Variants in ARHGAP31 observed in about 807,000 individuals in gnomAD.
ARHGAP31 encodes rho GTPase-activating protein 31.
ARHGAP31 carries 34 observed loss-of-function variants against 113.9 expected under a neutral mutation model. That is an observed-to-expected ratio of 0.30 (90% CI 0.23 to 0.40). ARHGAP31 has a LOEUF of 0.40. ARHGAP31 is among the 10% of genes least tolerant of loss of function. The pLI is 1.00. For missense variants in ARHGAP31, 1,548 were observed against 1,767.1 expected, an observed-to-expected ratio of 0.88 and a Z score of 2.22; for synonymous variants, 650 against 684.8, an observed-to-expected ratio of 0.95 and a Z score of 0.79.
chr3:119,360,105 A>G (rs540143411), intron 1 of ARHGAP31, among the ~76,000 whole-genome samples: 1 of 151,908 alleles, frequency 6.6e-6, no homozygotes, highest in South Asian at 2.1e-4. Flanking sequence ...TTCTCTTCCT[A>G]CAAGTTAGTT....
intron 1 of ARHGAP31, among the ~76,000 whole-genome samples, chr3:119,316,330 G>C (rs1411611758): frequency 6.6e-6 from 1 of 152,206 alleles, no homozygotes; most frequent in African/African-American, 2.4e-5. Flanking sequence ...GTGCAGTACT[G>C]AGGGATACAG....
intron 1 of ARHGAP31, among the ~76,000 whole-genome samples, chr3:119,304,441 G>A (rs1559960576): frequency 6.6e-6 from 1 of 152,252 alleles, no homozygotes; most frequent in East Asian, 1.9e-4. Context: ...ATGGGAGGAT[G>A]GGGTGGTTGG....
chr3:119,364,016 C>T (rs978124803), intron 1 of ARHGAP31, among the ~76,000 whole-genome samples: 4 of 152,136 alleles, frequency 2.6e-5, no homozygotes, highest in Non-Finnish European at 5.9e-5. Flanking sequence ...TGATCTGCTG[C>T]TCTCTCTGTA....
At position 119,414,705 on chromosome 3, in the gene ARHGAP31, GC is replaced by G; in HGVS notation, c.2777del (p.Ala926GlyfsTer30). 1 of 1,614,146 alleles carries G rather than the reference GC, an allele frequency of 6.2e-7. No homozygotes were observed. Among genetic ancestry groups the G allele is most frequent in the Non-Finnish European group, 8.5e-7 (1 of 1,180,028 alleles). On this transcript the variant is annotated frameshift_variant, in exon 12 of 12. Transcript: ENST00000264245. LOFTEE classifies it high-confidence loss of function. The stretch of plus-strand genomic sequence containing the variant: ...CCTTCACTCTCCCACCCTGAAAGAC[GC>G]GCACAAGGCCCAGGTACAGGGCCTT... ...SPLHSPTLKD[A>X]HKAQVQGLQG...
chr3:119,321,864 G>A (rs1325138986), intron 1 of ARHGAP31, among the ~76,000 whole-genome samples: 3 of 152,116 alleles, frequency 2.0e-5, no homozygotes, highest in African/African-American at 7.2e-5. Context: ...TGTTGGCCAG[G>A]CTGGTCTTGA....
chr3:119,390,649 A>G, intron 6 of ARHGAP31, 136 bp from the exon 7 acceptor site: 1 of 970,840 alleles, frequency 1.0e-6, no homozygotes. Flanking sequence ...CCCAGGCCCC[A>G]CCATGCCCAA....
intron 1 of ARHGAP31, among the ~76,000 whole-genome samples, chr3:119,299,783 A>G (rs2079564285): frequency 6.6e-6 from 1 of 152,264 alleles, no homozygotes; most frequent in Admixed American, 6.5e-5. Flanking sequence ...GAAAATTCGC[A>G]AGTTTTGATC....
chr3:119,335,682 G>T (rs1379579902), intron 1 of ARHGAP31, among the ~76,000 whole-genome samples: 1 of 152,204 alleles, frequency 6.6e-6, no homozygotes, highest in Non-Finnish European at 1.5e-5. Flanking sequence ...AGGGGCATTG[G>T]TCTGTGGCTG....
chr3:119,392,153 A>G (rs1358584947), intron 7 of ARHGAP31, among the ~76,000 whole-genome samples: 1 of 152,218 alleles, frequency 6.6e-6, no homozygotes, highest in East Asian at 1.9e-4. Context: ...GATGGATCAT[A>G]AAAACATCCT....
intron 10 of ARHGAP31, among the ~76,000 whole-genome samples, chr3:119,408,077 T>C (rs527628447): frequency 2.2e-4 from 33 of 151,926 alleles, no homozygotes; most frequent in African/African-American, 6.8e-4. Context: ...AGAGATAATA[T>C]TACATATTAT....
At chr3:119,323,487 T>G (rs2079812200) in intron 1 of ARHGAP31, among the ~76,000 whole-genome samples, 1 of 152,178 alleles carries the variant, frequency 6.6e-6, no homozygotes, top group Non-Finnish European at 1.5e-5. Context: ...TTTTTTCTTT[T>G]GTTTCTTTTC....
At chr3:119,308,530 G>A (rs2079650578) in intron 1 of ARHGAP31, among the ~76,000 whole-genome samples, 2 of 152,282 alleles carry the variant, frequency 1.3e-5, no homozygotes, top group African/African-American at 4.8e-5. Flanking sequence ...TTTGTCCAAA[G>A]TCATGTCTTT....
chr3:119,413,438 A>G (rs1476355002), intron 11 of ARHGAP31, among the ~76,000 whole-genome samples: 1 of 152,204 alleles, frequency 6.6e-6, no homozygotes, highest in Non-Finnish European at 1.5e-5. Flanking sequence ...GTGCCTTCTA[A>G]TGAACCTGAA....
intron 8 of ARHGAP31, among the ~76,000 whole-genome samples, chr3:119,396,913 T>G (rs1321128205): frequency 6.6e-6 from 1 of 152,144 alleles, no homozygotes; most frequent in Non-Finnish European, 1.5e-5. Flanking sequence ...TTGATTCCAT[T>G]TAAGTTTTTT....
chr3:119,322,398 C>T (rs771087003), intron 1 of ARHGAP31, among the ~76,000 whole-genome samples: 4 of 152,184 alleles, frequency 2.6e-5, no homozygotes, highest in East Asian at 1.9e-4. Context: ...TTTTTAGAGC[C>T]GGGATTTTGT....
chr3:119,343,791 A>C (rs1194473519), intron 1 of ARHGAP31, among the ~76,000 whole-genome samples: 1 of 152,200 alleles, frequency 6.6e-6, no homozygotes, highest in Non-Finnish European at 1.5e-5. Context: ...TTATCTCTGT[A>C]GGACGAGGAG....
At position 119,415,700 on chromosome 3, in the gene ARHGAP31, C is replaced by T. The variant is rs1348811272; in HGVS notation, c.3771C>T (p.Ser1257=). 5 of 1,613,940 alleles carry T rather than the reference C, an allele frequency of 3.1e-6. No homozygotes were observed. The East Asian group carries it at 8.9e-5, about 29-fold the overall frequency. The change falls in exon 12 of 12, where the codon AGC becomes AGT. Residue 1257 remains serine (S), a synonymous_variant. Transcript: ENST00000264245. ...ATGATTCTCCCTCCTCCCTGGAAAG[C>T]TCAAAGGAAGAAAAACCAAAGCAAG... The part of the protein sequence containing the change: ...AKDDSPSSLE[S]SKEEKPKQDP...
chr3:119,415,916 A>G lies in ARHGAP31; in HGVS notation c.3987A>G (p.Pro1329=). ...TTCTTTCTTCAAAACTAGAGCGACC[A>G]TCTGGGGGTTCTAAGCCTTTCCACA... is the stretch of plus-strand genomic sequence containing the variant. ...DNLLSSKLER[P]SGGSKPFHRS... is the part of the protein sequence containing the mutation. Residue 1329 remains proline (P), a synonymous_variant, in exon 12 of 12, where the codon CCA becomes CCG. Transcript: ENST00000264245. The G allele has an allele frequency of 1.9e-6, 3 of 1,614,214 alleles. No individual in the cohort carries two copies. Among genetic ancestry groups the G allele is most frequent in the Non-Finnish European group, 2.5e-6 (3 of 1,180,048 alleles).
At chr3:119,325,073 G>T (rs762371009) in intron 1 of ARHGAP31, 15 of 398,954 alleles carry the variant, frequency 3.8e-5, no homozygotes, top group East Asian at 1.5e-4. Flanking sequence ...AGTGTGTTTG[G>T]TGCTAATTAA....
Sources: gnomAD v4.1 joint callset for allele counts (sites outside exome capture counted in the v4.1 genomes callset) on GRCh38, gnomAD v4.1.1 for gene constraint, MANE v1.5 for transcripts, NCBI Gene and HGNC (gene_info 2026-07-23, HGNC 2026-07-21) for gene names.